Variants in SLC44A1 observed in about 807,000 individuals in gnomAD.
SLC44A1 encodes solute carrier family 44 member 1.
A neutral mutation model predicts 79.3 loss-of-function variants in SLC44A1; 26 were observed. The ratio of observed to expected loss-of-function variants is 0.33; its 90% CI spans 0.24 to 0.46. SLC44A1 has a LOEUF of 0.46. SLC44A1 is among the 20% of genes least tolerant of loss of function. The pLI, the probability that SLC44A1 is intolerant of heterozygous loss-of-function variation, is 1.00. For missense variants in SLC44A1, 688 were observed against 798.1 expected (o/e 0.86, Z 1.66); for synonymous variants, 263 against 286.2 (o/e 0.92, Z 0.82).
rs954531456 is a variant in SLC44A1 at position 105,393,185 on chromosome 9, C to T, written c.*4129C>T. ...ATATTTGTGTATTCTGTATTCACAG[C>T]GTAGGCTGCCTTTTGCTTTAAATGC... On this transcript the variant is annotated 3_prime_UTR_variant, in exon 16 of 16. Coordinates refer to ENST00000374720, the MANE Select transcript of SLC44A1 (RefSeq NM_080546.5). 1 of 985,302 alleles carries T rather than the reference C, an allele frequency of 1.0e-6. No individual in the cohort carries two copies. Among genetic ancestry groups the T allele is most frequent in the East Asian group, 1.1e-4 (1 of 8,834 alleles). 61.0% of individuals were successfully genotyped at this position (985,302 alleles called of 1,614,324 possible).
At chr9:105,378,860 A>T (rs1024507663) in intron 13 of SLC44A1, among the ~76,000 whole-genome samples, 1 of 152,266 alleles carries the variant, frequency 6.6e-6, no homozygotes, top group African/African-American at 2.4e-5. Flanking sequence ...CATAATAAAC[A>T]TTATAAAACA....
intron 4 of SLC44A1, 47 bp from the exon 5 acceptor site, chr9:105,348,311 A>AT: frequency 9.8e-7 from 1 of 1,016,134 alleles, no homozygotes; most frequent in Non-Finnish European, 1.5e-6. Context: ...TAGTAAGAGA[A>AT]TTTTTTCAGA....
intron 2 of SLC44A1, among the ~76,000 whole-genome samples, chr9:105,309,052 C>A (rs1386363251): frequency 6.6e-6 from 1 of 152,206 alleles, no homozygotes; most frequent in Non-Finnish European, 1.5e-5. Context: ...GCCTTACTCT[C>A]CTCCAGTCTT....
chr9:105,333,001 A>C (rs1468241682), intron 3 of SLC44A1, among the ~76,000 whole-genome samples: 1 of 152,228 alleles, frequency 6.6e-6, no homozygotes, highest in Non-Finnish European at 1.5e-5. Flanking sequence ...TCAGAGAACT[A>C]TTAAGAGAGA....
chr9:105,249,511 A>T (rs1336853654), intron 1 of SLC44A1, among the ~76,000 whole-genome samples: 1 of 150,558 alleles, frequency 6.6e-6, no homozygotes, highest in South Asian at 2.1e-4. Context: ...TTGGAAAATA[A>T]TGTAGAAATG....
intron 1 of SLC44A1, among the ~76,000 whole-genome samples, chr9:105,285,107 A>G (rs937472852): frequency 6.6e-6 from 1 of 152,190 alleles, no homozygotes; most frequent in African/African-American, 2.4e-5. Context: ...TTTTTATTGC[A>G]AAATTATATT....
Position 105,405,691 on chromosome 9 carries a change from C to T in SLC44A1, c.1950+20189C>T, listed in dbSNP as rs368563980. Among the ~76,000 whole-genome samples the T allele has an allele frequency of 9.9e-5, 15 of 152,022 alleles. 1 individual carries two copies. In the East Asian group the frequency reaches 2.1e-3, roughly 22 times the overall value. On this transcript the variant is annotated intron_variant, in intron 15 of 15. Coordinates refer to the SLC44A1 transcript ENST00000374724. ...TGTGTTTTGAATTGTCTGGTGGCTC[C>T]CTGAATGATCAACTCAGGGGTTTAT...
At chr9:105,331,330 G>C (rs1826742121) in intron 3 of SLC44A1, among the ~76,000 whole-genome samples, 1 of 152,190 alleles carries the variant, frequency 6.6e-6, no homozygotes, top group Non-Finnish European at 1.5e-5. Flanking sequence ...TCTCTTTCCT[G>C]ATCCTTGCCC....
At chr9:105,365,120 A>G (rs1161304666) in intron 10 of SLC44A1, among the ~76,000 whole-genome samples, 1 of 152,230 alleles carries the variant, frequency 6.6e-6, no homozygotes. Context: ...TGAAAGCTTT[A>G]GGTCTCATAA....
rs752503504 is a variant in SLC44A1 at position 105,351,531 on chromosome 9, T to TGAAA, written c.500+3103_500+3106dup. ...CTGGGCAACAGAGCAAGACCCTGTC[T>TGAAA]GAAAGAAAGAAAGAAAGAAAGAAAG... On this transcript the variant is annotated intron_variant, in intron 5 of 15. Transcript: ENST00000374720. Among the ~76,000 whole-genome samples the TGAAA allele has an allele frequency of 1.4e-3, 76 of 55,334 alleles. 4 individuals are homozygous for TGAAA. The highest frequency in any genetic ancestry group is 2.4e-3 in the Non-Finnish European group (59 of 25,012). The allele number at this position is 55,334 out of a possible 152,430, so 36.3% of individuals were successfully genotyped here.
chr9:105,394,489 C>G lies in SLC44A1; in HGVS notation c.*5433C>G. On this transcript the variant is annotated 3_prime_UTR_variant, in exon 16 of 16. Transcript: ENST00000374720. ...CTGGCGGTTATTTGGGGGCAAGGTA[C>G]CAGATTATTTGCAGTGAGCCAAAAA... The G allele has an allele frequency of 5.2e-6, 5 of 965,710 alleles. No individual in the cohort carries two copies. Among genetic ancestry groups the G allele is most frequent in the Non-Finnish European group, 6.1e-6 (5 of 824,264 alleles). 59.8% of individuals were successfully genotyped at this position (965,710 alleles called of 1,614,324 possible). A position where few individuals can be genotyped will look rare whatever the true frequency, so the allele number is the denominator to read the frequency against.
chr9:105,282,797 T>C (rs1012658437), intron 1 of SLC44A1, among the ~76,000 whole-genome samples: 8 of 152,078 alleles, frequency 5.3e-5, no homozygotes, highest in African/African-American at 1.9e-4. Flanking sequence ...CCACCCCCCT[T>C]GGCCTCCCAA....
intron 15 of SLC44A1, among the ~76,000 whole-genome samples, chr9:105,428,479 C>A (rs994560468): frequency 3.3e-5 from 5 of 152,164 alleles, no homozygotes; most frequent in African/African-American, 1.2e-4. Context: ...TGTGATCAAC[C>A]ACATCTGGGT....
At chr9:105,252,479 C>T (rs1204846946) in intron 1 of SLC44A1, among the ~76,000 whole-genome samples, 1 of 152,172 alleles carries the variant, frequency 6.6e-6, no homozygotes, top group Non-Finnish European at 1.5e-5. Flanking sequence ...TTGGAAGACT[C>T]TTAACAGCAT....
At position 105,309,771 on chromosome 9, in the gene SLC44A1, A is replaced by G. The variant is rs751129497; in HGVS notation, c.174A>G (p.Leu58=). The G allele has an allele frequency of 6.2e-7, 1 of 1,613,950 alleles. No homozygotes were observed. Among genetic ancestry groups the G allele is most frequent in the East Asian group, 2.2e-5 (1 of 44,868 alleles). ...TAGCAACAGGTGCAGCAGCAAGACT[A>G]GTGTCAGGATACGACAGCTATGGAA... The part of the protein sequence containing the change: ...FSIATGAAAR[L]VSGYDSYGNI... The change falls in exon 3 of 16, where the codon CTA becomes CTG. Residue 58 remains leucine, a synonymous_variant. Coordinates refer to ENST00000374720, the MANE Select transcript of SLC44A1 (RefSeq NM_080546.5).
intron 1 of SLC44A1, 79 bp from the exon 2 acceptor site, chr9:105,299,141 T>A: frequency 1.0e-6 from 1 of 963,682 alleles, no homozygotes; most frequent in Non-Finnish European, 1.6e-6. Context: ...GGGCTCTAGC[T>A]ATAGCTGGTG....
Position 105,296,019 on chromosome 9 carries a change from AAG to A in SLC44A1, c.37-3198_37-3197del, listed in dbSNP as rs1053786007. Among the ~76,000 whole-genome samples, 6 of 152,242 alleles carry A rather than the reference AAG, an allele frequency of 3.9e-5. No homozygotes were observed. The East Asian group carries it at 7.7e-4, about 19-fold the overall frequency. ...AAAATTTTAGTACGTATAAGGGAAA[AAG>A]AGTTTAATATTCTTTATATCCTTTT... On this transcript the variant is annotated intron_variant, in intron 1 of 15. Coordinates refer to ENST00000374720, the MANE Select transcript of SLC44A1 (RefSeq NM_080546.5).
intron 1 of SLC44A1, among the ~76,000 whole-genome samples, chr9:105,286,495 T>A (rs544746950): frequency 6.6e-6 from 1 of 152,356 alleles, no homozygotes; most frequent in South Asian, 2.1e-4. Context: ...AATCTGTCTC[T>A]TTGTATGGTA....
intron 3 of SLC44A1, among the ~76,000 whole-genome samples, chr9:105,327,594 C>T (rs1379905714): frequency 6.6e-6 from 1 of 152,286 alleles, no homozygotes; most frequent in African/African-American, 2.4e-5. Flanking sequence ...CATGATCTAG[C>T]ATCAGCTTGC....
Sources: gnomAD v4.1 joint callset for allele counts (sites outside exome capture counted in the v4.1 genomes callset) on GRCh38, gnomAD v4.1.1 for gene constraint, MANE v1.5 for transcripts, NCBI Gene and HGNC (gene_info 2026-07-23, HGNC 2026-07-21) for gene names.